Variants in SCOC observed in about 807,000 individuals in gnomAD.
SCOC encodes short coiled-coil protein, also known as short coiled coil protein.
A neutral mutation model predicts 9.9 loss-of-function variants in SCOC; 7 were observed. The observed-to-expected ratio is 0.71, with a 90% CI of 0.40 to 1.33. The LOEUF (loss-of-function observed/expected upper bound fraction) is 1.33, where lower values mean the gene tolerates loss of function less well. Ranked by LOEUF, SCOC falls within the 40% of genes most tolerant of loss-of-function variation. The pLI is 0.01. For synonymous variants in SCOC, 19 were observed against 28.2 expected (o/e 0.67, Z 1.03); for missense variants, 66 against 89.7 (o/e 0.74, Z 1.07).
At chr4:140,336,815 C>T (rs1054352031) in intron 1 of SCOC, among the ~76,000 whole-genome samples, 3 of 152,210 alleles carry the variant, frequency 2.0e-5, no homozygotes, top group East Asian at 1.9e-4. Flanking sequence ...TTATTTTCCA[C>T]AGTGGCCACA....
In SCOC at chr4:140,296,248, AATGGATTTAATGAGC is replaced by A. The variant is rs201212207; in HGVS notation, c.-19+38842_-19+38856del. 1.1e-4 allele frequency among the ~76,000 whole-genome samples: 16 copies of A among 152,262 alleles called. No individual in the cohort carries two copies. In the East Asian group the frequency reaches 2.1e-3, roughly 20 times the overall value. On this transcript the variant is annotated intron_variant, in intron 1 of 4. Transcript: ENST00000394205. Reference sequence around the variant, plus strand: ...TAATATTCACAAGGATCAAATCCAAAATGGATTTAATGAGCATGTTCTTCGTGAGAGATGCTGTTA... The same window carrying A: ...TAATATTCACAAGGATCAAATCCAAAATGTTCTTCGTGAGAGATGCTGTTA...
chr4:140,329,791 A>C (rs926515538), intron 1 of SCOC, among the ~76,000 whole-genome samples: 4 of 152,160 alleles, frequency 2.6e-5, no homozygotes, highest in African/African-American at 9.7e-5. Context: ...ATCAAAAAAT[A>C]AAAAAATAAT....
At chr4:140,271,727 G>A (rs36126324) in intron 1 of SCOC, among the ~76,000 whole-genome samples, 1,537 of 152,306 alleles carry the variant, frequency 0.01, 11 homozygotes, top group Non-Finnish European at 0.017. Context: ...TGACAGCCAG[G>A]CTTTCGTTTA....
At chr4:140,315,853 TG>T (rs963835164) in intron 1 of SCOC, among the ~76,000 whole-genome samples, 2 of 152,152 alleles carry the variant, frequency 1.3e-5, no homozygotes, top group African/African-American at 4.8e-5. Context: ...GGAGAGAAGA[TG>T]TGCTATCATA....
intron 1 of SCOC, among the ~76,000 whole-genome samples, chr4:140,271,418 C>T (rs1471586662): frequency 6.6e-6 from 1 of 152,234 alleles, no homozygotes; most frequent in African/African-American, 2.4e-5. Flanking sequence ...AAGTTGGATG[C>T]AGCTGGATGC....
chr4:140,324,889 G>GA (rs547328171), intron 1 of SCOC, among the ~76,000 whole-genome samples: 4,537 of 146,076 alleles, frequency 0.031, 92 homozygotes, highest in Non-Finnish European at 0.046. Flanking sequence ...TGCTGAAAAA[G>GA]AAAAAAAAAA....
chr4:140,310,215 G>A (rs1020887115), intron 1 of SCOC, among the ~76,000 whole-genome samples: 8 of 152,152 alleles, frequency 5.3e-5, no homozygotes, highest in Admixed American at 2.0e-4. Context: ...GTACTTGGTT[G>A]GGTTGCTCCA....
intron 1 of SCOC, among the ~76,000 whole-genome samples, chr4:140,267,619 C>T (rs554171963): frequency 3.3e-5 from 5 of 152,212 alleles, no homozygotes; most frequent in Non-Finnish European, 5.9e-5. Context: ...TTCCCAGCCG[C>T]GCACCTCTCC....
Position 140,362,273 on chromosome 4 carries a change from C to CTCTTCTTCTTCTTCTTCTTCTT in SCOC, c.71-16848_71-16847insTCTTCTTCTTCTTCTTCTTCTT. Among the ~76,000 whole-genome samples, 38 of 29,074 alleles carry CTCTTCTTCTTCTTCTTCTTCTT rather than the reference C, an allele frequency of 1.3e-3. 1 individual carries two copies. Among genetic ancestry groups the CTCTTCTTCTTCTTCTTCTTCTT allele is most frequent in the African/African-American group, 4.2e-3 (34 of 8,048 alleles). The allele number at this position is 29,074 out of a possible 152,430, so 19.1% of individuals were successfully genotyped here. A position where few individuals can be genotyped will look rare whatever the true frequency, so the allele number is the denominator to read the frequency against. On this transcript the variant is annotated intron_variant, in intron 2 of 4. Coordinates refer to the SCOC transcript ENST00000338517. ...AAAGACCGGCTAAAGACAGGTGTGT[C>CTCTTCTTCTTCTTCTTCTTCTT]CTTACTTCTTCTTCTTCTTCTTCTT...
upstream of SCOC, among the ~76,000 whole-genome samples, chr4:140,338,455 C>G (rs532870823): frequency 6.6e-6 from 1 of 152,234 alleles, no homozygotes; most frequent in African/African-American, 2.4e-5. Context: ...CCAGGGCAAT[C>G]AGGCAAGAGA....
chr4:140,270,720 G>A (rs969336915), intron 1 of SCOC, among the ~76,000 whole-genome samples: 5 of 152,142 alleles, frequency 3.3e-5, no homozygotes, highest in Admixed American at 2.0e-4. Context: ...AGATTGGTTG[G>A]TTTGCATAGA....
At chr4:140,331,560 CT>C (rs1243564439) in intron 1 of SCOC, among the ~76,000 whole-genome samples, 1 of 152,182 alleles carries the variant, frequency 6.6e-6, no homozygotes, top group Non-Finnish European at 1.5e-5. Context: ...TCACTCTGTC[CT>C]TTGGAGATAA....
chr4:140,367,144 G>T (rs1218773444), intron 2 of SCOC, among the ~76,000 whole-genome samples: 1 of 151,964 alleles, frequency 6.6e-6, no homozygotes, highest in Non-Finnish European at 1.5e-5. Context: ...GGTGCAGGTT[G>T]CAGTCAGCCA....
Position 140,379,691 on chromosome 4 carries a change from A to G in SCOC, c.106+39A>G, listed in dbSNP as rs984429264. 8 of 1,437,284 alleles carry G rather than the reference A, an allele frequency of 5.6e-6. No homozygotes were observed. In the African/African-American group the frequency reaches 8.6e-5, roughly 15 times the overall value. The allele number at this position is 1,437,284 out of a possible 1,614,324, so 89.0% of individuals were successfully genotyped here. A position where few individuals can be genotyped will look rare whatever the true frequency, so the allele number is the denominator to read the frequency against. On this transcript the variant is annotated intron_variant, in intron 3 of 3. Transcript: ENST00000608372. ...TTGTAGTTTATTTGAATGACAGCCAATTAATTGAACTTGTAAAAATTTATA... is the reference window on the plus strand; with the variant it reads ...TTGTAGTTTATTTGAATGACAGCCAGTTAATTGAACTTGTAAAAATTTATA...
chr4:140,374,331 A>G (rs1728231979), intron 1 of SCOC: 3 of 366,712 alleles, frequency 8.2e-6, no homozygotes, highest in Admixed American at 3.5e-5. Context: ...GGCTTCTGTT[A>G]TACAGTGTGT....
chr4:140,311,634 T>A (rs1732158849), intron 1 of SCOC, among the ~76,000 whole-genome samples: 1 of 152,194 alleles, frequency 6.6e-6, no homozygotes, highest in Non-Finnish European at 1.5e-5. Flanking sequence ...TGTGTTGATA[T>A]CAGCACAGTG....
chr4:140,355,854 G>C (rs1727206576), intron 2 of SCOC, among the ~76,000 whole-genome samples: 1 of 152,000 alleles, frequency 6.6e-6, no homozygotes, highest in Non-Finnish European at 1.5e-5. Flanking sequence ...TAGTGTGAAG[G>C]GATTACAGGT....
rs996982216 is a variant in SCOC, at chr4:140,385,467, A to G, written c.*4363A>G. On this transcript the variant is annotated 3_prime_UTR_variant, in exon 4 of 4. Transcript: ENST00000608372. ...TAGGAAAATCTTTAACTTTTCAGAGATTTTTGGTCATGGAATTGTAGCAAC... is the reference window on the plus strand; with the variant it reads ...TAGGAAAATCTTTAACTTTTCAGAGGTTTTTGGTCATGGAATTGTAGCAAC... 1.9e-4 allele frequency: 29 copies of G among 152,132 alleles called. No individual in the cohort carries two copies. Among genetic ancestry groups the G allele is most frequent in the Admixed American group, 6.5e-4 (10 of 15,274 alleles). 9.4% of individuals were successfully genotyped at this position (152,132 alleles called of 1,614,324 possible). A position where few individuals can be genotyped will look rare whatever the true frequency, so the allele number is the denominator to read the frequency against.
chr4:140,275,820 GTT>G (rs1175950527), intron 1 of SCOC, among the ~76,000 whole-genome samples: 32 of 90,636 alleles, frequency 3.5e-4, no homozygotes, highest in African/African-American at 1.9e-3. Context: ...GCTCAGGTTT[GTT>G]TTTTTTTTTT....
Sources: gnomAD v4.1 joint callset for allele counts (sites outside exome capture counted in the v4.1 genomes callset) on GRCh38, gnomAD v4.1.1 for gene constraint, MANE v1.5 for transcripts, NCBI Gene and HGNC (gene_info 2026-07-23, HGNC 2026-07-21) for gene names.